The following GLDC variants were observed in gnomAD, a reference collection of about 807,000 sequenced individuals.
GLDC encodes the protein glycine decarboxylase, also known as glycine dehydrogenase (decarboxylating), mitochondrial.
GLDC carries 104 observed loss-of-function variants against 121.3 expected under a neutral mutation model. The observed-to-expected ratio is 0.86, with a 90% CI of 0.73 to 1.01. The LOEUF is 1.01. Ranked by LOEUF, GLDC falls within the 50% of genes least tolerant of loss-of-function variation. GLDC has a pLI of 0.00. For synonymous variants in GLDC, 546 were observed against 480.6 expected, an observed-to-expected ratio of 1.14 and a Z score of -1.78; for missense variants, 1,429 against 1,306.6, an observed-to-expected ratio of 1.09 and a Z score of -1.44.
Position 6,604,644 on chromosome 9 carries a change from A to G in GLDC, c.1002T>C (p.Phe334=), listed in dbSNP as rs1450853870. The G allele has an allele frequency of 6.2e-7, 1 of 1,613,748 alleles. No homozygotes were observed. Among genetic ancestry groups the G allele is most frequent in the Admixed American group, 1.7e-5 (1 of 60,000 alleles). The change falls in exon 7 of 25, where the codon TTT becomes TTC. Residue 334 remains phenylalanine, a synonymous_variant. Transcript: ENST00000321612. The part of the protein sequence containing the change: ...LGYGGPHAAF[F]AVRESLVRMM... Reference sequence around the variant, plus strand: ...TTCTCACCAAGCTTTCTCGGACAGCAAAAAATGCTGCATGGGGTCCCCCAT... The same window carrying G: ...TTCTCACCAAGCTTTCTCGGACAGCGAAAAATGCTGCATGGGGTCCCCCAT...
chr9:6,572,362 G>C (rs1817984448), intron 15 of GLDC, among the ~76,000 whole-genome samples: 2 of 152,192 alleles, frequency 1.3e-5, no homozygotes, highest in Admixed American at 1.3e-4. Flanking sequence ...GTACGAAGGA[G>C]GGTTACATTA....
intron 16 of GLDC, among the ~76,000 whole-genome samples, chr9:6,559,491 G>A (rs1024247023): frequency 2.1e-5 from 3 of 141,156 alleles, no homozygotes; most frequent in Non-Finnish European, 4.5e-5. Context: ...CTCCAGCCTG[G>A]GCGACAAGAG....
Position 6,645,348 on chromosome 9 carries a change from C to T in GLDC, c.152G>A (p.Arg51His), listed in dbSNP as rs1396710210. The change falls in exon 1 of 25, where the codon CGC becomes CAC. Residue 51 changes from arginine (R) to histidine (H), a missense_variant. Transcript: ENST00000321612. ...GGDSAAAGASRLLERLLPRHD... is the reference protein window; with the variant it reads ...GGDSAAAGASHLLERLLPRHD... Reference sequence around the variant, plus strand: ...TCTGGGCAGAAGGCGCTCCAGGAGGCGCGAGGCCCCAGCCGCGGCGCTGTC... The same window carrying T: ...TCTGGGCAGAAGGCGCTCCAGGAGGTGCGAGGCCCCAGCCGCGGCGCTGTC... 1.3e-6 allele frequency: 2 copies of T among 1,538,886 alleles called. No individual in the cohort carries two copies. The highest frequency in any genetic ancestry group is 1.7e-6 in the Non-Finnish European group (2 of 1,146,602).
chr9:6,576,855 C>G (rs1204079979), intron 15 of GLDC, among the ~76,000 whole-genome samples: 1 of 152,210 alleles, frequency 6.6e-6, no homozygotes, highest in Non-Finnish European at 1.5e-5. Context: ...TCCATATTGA[C>G]TGTCTATTCC....
At chr9:6,571,180 AAAG>A (rs1424879337) in intron 15 of GLDC, among the ~76,000 whole-genome samples, 35 of 152,054 alleles carry the variant, frequency 2.3e-4, no homozygotes, top group African/African-American at 8.0e-4. Context: ...TTTAAAAAAA[AAAG>A]AAAGAAACTG....
chr9:6,584,923 G>A (rs750625515), intron 15 of GLDC: 1 of 152,178 alleles, frequency 6.6e-6, no homozygotes, highest in Non-Finnish European at 1.5e-5. Flanking sequence ...AGAAAAATTA[G>A]GACAAAGAAA....
intron 3 of GLDC, among the ~76,000 whole-genome samples, chr9:6,611,072 T>C (rs1257789046): frequency 6.6e-6 from 1 of 152,218 alleles, no homozygotes; most frequent in East Asian, 1.9e-4. Context: ...AAGTTCTACA[T>C]GCTAAGAAAT....
At position 6,558,564 on chromosome 9, in the gene GLDC, C is replaced by T. The variant is rs2129734759; in HGVS notation, c.2047G>A (p.Ala683Thr). The T allele has an allele frequency of 6.2e-7, 1 of 1,614,154 alleles. No individual in the cohort carries two copies. Among genetic ancestry groups the T allele is most frequent in the Non-Finnish European group, 8.5e-7 (1 of 1,180,024 alleles). Reference protein sequence around the residue: ...YGNIDAVHLKAMVDKHKENLA... With the variant: ...YGNIDAVHLKTMVDKHKENLA... ...GCTAAGGAGAAGACAAGTACCATGG[C>T]CTTGAGGTGAACTGCATCGATATTC... The change falls in exon 17 of 25, where the codon GCC becomes ACC. Residue 683 changes from alanine (A) to threonine (T), a missense_variant. Ala to Thr is a moderately conservative substitution (Grantham distance 58). Transcript: ENST00000321612.
intron 21 of GLDC, among the ~76,000 whole-genome samples, chr9:6,542,791 TG>T (rs1478133676): frequency 7.0e-6 from 1 of 141,984 alleles, no homozygotes; most frequent in Admixed American, 7.5e-5. Flanking sequence ...AAGGCTGAGG[TG>T]GGAGAATCAT....
intron 15 of GLDC, among the ~76,000 whole-genome samples, chr9:6,576,359 A>G (rs1179605456): frequency 2.0e-4 from 30 of 152,224 alleles, no homozygotes; most frequent in Admixed American, 2.0e-3. Flanking sequence ...CTTTCTTAAA[A>G]TAATGGCACT....
chr9:6,535,166 G>T (rs1258401599), intron 23 of GLDC, among the ~76,000 whole-genome samples: 1 of 151,962 alleles, frequency 6.6e-6, no homozygotes, highest in African/African-American at 2.4e-5. Context: ...TTAATAAACT[G>T]CATATAGCAT....
intron 15 of GLDC, chr9:6,567,254 G>C (rs1817872610): frequency 6.6e-6 from 1 of 152,192 alleles, no homozygotes; most frequent in Non-Finnish European, 1.5e-5. Context: ...CAAGAAGAAA[G>C]GCAAAGACTG....
intron 16 of GLDC, among the ~76,000 whole-genome samples, chr9:6,564,749 C>G (rs1817821394): frequency 6.6e-6 from 1 of 152,218 alleles, no homozygotes; most frequent in Non-Finnish European, 1.5e-5. Context: ...GAGTGGTGTC[C>G]ATTAGTACCT....
intron 15 of GLDC, among the ~76,000 whole-genome samples, chr9:6,581,212 C>T (rs1304651681): frequency 1.3e-5 from 2 of 152,216 alleles, no homozygotes. Context: ...TTGGTAAATA[C>T]TCTGGCTTCC....
chr9:6,604,067 G>A (rs1465189257), intron 7 of GLDC, among the ~76,000 whole-genome samples: 2 of 151,458 alleles, frequency 1.3e-5, no homozygotes, highest in African/African-American at 4.9e-5. Context: ...AAGGAACAAA[G>A]ACTACTTCTG....
At chr9:6,644,791 C>T in intron 1 of GLDC, 99 bp from the exon 2 acceptor site, 1 of 811,052 alleles carries the variant, frequency 1.2e-6, no homozygotes, top group Non-Finnish European at 2.2e-6. Flanking sequence ...TCATTGAAAT[C>T]GCCTAATTAG....
intron 2 of GLDC, among the ~76,000 whole-genome samples, chr9:6,634,248 C>T (rs1470503209): frequency 1.3e-5 from 2 of 151,956 alleles, no homozygotes; most frequent in African/African-American, 4.8e-5. Context: ...AACAAACAAA[C>T]CCAAAACCAT....
chr9:6,632,675 G>A (rs1342374156), intron 2 of GLDC, among the ~76,000 whole-genome samples: 2 of 152,160 alleles, frequency 1.3e-5, no homozygotes, highest in Admixed American at 6.5e-5. Context: ...TCTAGCACGC[G>A]CCCCGGTTCA....
chr9:6,645,614 G>T lies in GLDC; in HGVS notation c.-115C>A. ...CGCCCGGCCTGGAGCCCCTTTCGCT[G>T]GACAGTCGGCCGGACAGATGGATGG... is the stretch of plus-strand genomic sequence containing the variant. On this transcript the variant is annotated 5_prime_UTR_variant, in exon 1 of 25. Coordinates refer to ENST00000321612, the MANE Select transcript of GLDC (RefSeq NM_000170.3). 1.4e-6 allele frequency: 1 copy of T among 731,540 alleles called. No homozygotes were observed. Among genetic ancestry groups the T allele is most frequent in the Non-Finnish European group, 1.9e-6 (1 of 538,070 alleles). The allele number at this position is 731,540 out of a possible 1,614,324, so 45.3% of individuals were successfully genotyped here. A position where few individuals can be genotyped will look rare whatever the true frequency, so the allele number is the denominator to read the frequency against.
Sources: gnomAD v4.1 joint callset for allele counts (sites outside exome capture counted in the v4.1 genomes callset) on GRCh38, gnomAD v4.1.1 for gene constraint, MANE v1.5 for transcripts, NCBI Gene and HGNC (gene_info 2026-07-23, HGNC 2026-07-21) for gene names.